Variants in PTPRD observed in about 807,000 individuals in gnomAD.
The protein encoded by PTPRD is receptor-type tyrosine-protein phosphatase delta.
PTPRD carries 34 observed loss-of-function variants against 214.5 expected under a neutral mutation model. That is an observed-to-expected ratio of 0.16 (90% CI 0.12 to 0.21). The LOEUF (loss-of-function observed/expected upper bound fraction) is 0.21. Ranked by LOEUF, PTPRD falls within the 10% of genes least tolerant of loss-of-function variation. The probability of loss-of-function intolerance (pLI) is 1.00; values close to 1 mark genes in which losing one functional copy is unlikely to be tolerated. For synonymous variants in PTPRD, 1,128 were observed against 845.7 expected (o/e 1.33, Z -5.79); for missense variants, 2,545 against 2,398.7 (o/e 1.06, Z -1.27).
rs2135671534 is a variant in PTPRD, at chr9:8,389,418, A to G, written c.4211-11T>C. ...CACTTCCTGGGATCCCTGGAAAACA[A>G]GGAGTGTTATTCAACCAGGTGAGCA... On this transcript the variant is annotated splice_polypyrimidine_tract_variant and intron_variant, in intron 36 of 45. Coordinates refer to ENST00000381196, the MANE Select transcript of PTPRD (RefSeq NM_002839.4). The G allele has an allele frequency of 6.2e-7, 1 of 1,602,428 alleles. No homozygotes were observed. Among genetic ancestry groups the G allele is most frequent in the Non-Finnish European group, 8.5e-7 (1 of 1,174,308 alleles).
chr9:8,768,994 T>C (rs1313510399), intron 11 of PTPRD, among the ~76,000 whole-genome samples: 1 of 152,194 alleles, frequency 6.6e-6, no homozygotes, highest in East Asian at 1.9e-4. Context: ...TTTGTGTACA[T>C]GGCAGGGAGG....
chr9:9,212,943 A>C (rs1042101110), intron 9 of PTPRD, among the ~76,000 whole-genome samples: 4 of 152,178 alleles, frequency 2.6e-5, no homozygotes, highest in Non-Finnish European at 5.9e-5. Context: ...AACTTATGGA[A>C]TTAGCCTAGA....
intron 5 of PTPRD, among the ~76,000 whole-genome samples, chr9:9,871,601 G>A (rs114524028): frequency 0.03 from 4,579 of 151,402 alleles, 185 homozygotes; most frequent in African/African-American, 0.11. Flanking sequence ...AGGGGCCTGG[G>A]AGGAGAAGTG....
chr9:8,726,558 TCG>T (rs2098561328), intron 12 of PTPRD, among the ~76,000 whole-genome samples: 1 of 100,718 alleles, frequency 9.9e-6, no homozygotes, highest in Non-Finnish European at 1.9e-5. Flanking sequence ...ATGGAGAAAC[TCG>T]GTCTCTACTA....
intron 14 of PTPRD, among the ~76,000 whole-genome samples, chr9:8,606,537 G>T (rs62530704): frequency 0.096 from 14,670 of 152,136 alleles, 819 homozygotes; most frequent in East Asian, 0.17. Context: ...TTTATTTCCA[G>T]GGAGTAAATA....
intron 14 of PTPRD, among the ~76,000 whole-genome samples, chr9:8,532,242 T>G (rs1195880447): frequency 6.6e-6 from 1 of 152,080 alleles, no homozygotes; most frequent in Non-Finnish European, 1.5e-5. Context: ...GTCAGGTATT[T>G]GGCAATAAAA....
intron 3 of PTPRD, among the ~76,000 whole-genome samples, chr9:10,222,694 T>C (rs1011401385): frequency 6.6e-6 from 1 of 152,014 alleles, no homozygotes; most frequent in Admixed American, 6.6e-5. Context: ...TCGAGGTAAA[T>C]ACAGACATGA....
rs571276634 is a variant in PTPRD, at chr9:10,161,761, T to A, written c.-544-127971A>T. ...ACAGTCAATAAAATAAAGACATAACTTAAATGGGAGAAAATGTTTCCAAAC... is the reference window on the plus strand; with the variant it reads ...ACAGTCAATAAAATAAAGACATAACATAAATGGGAGAAAATGTTTCCAAAC... On this transcript the variant is annotated intron_variant, in intron 3 of 45. Transcript: ENST00000381196. Among the ~76,000 whole-genome samples the A allele has an allele frequency of 4.6e-5, 7 of 151,594 alleles. No homozygotes were observed. The South Asian group carries it at 6.2e-4, about 13-fold the overall frequency.
At chr9:8,325,110 C>T (rs1832346502) in intron 44 of PTPRD, among the ~76,000 whole-genome samples, 1 of 148,778 alleles carries the variant, frequency 6.7e-6, no homozygotes. Flanking sequence ...AATTAGATCC[C>T]ATTTGCCACT....
At chr9:9,516,097 C>T (rs961576392) in intron 8 of PTPRD, among the ~76,000 whole-genome samples, 15 of 152,228 alleles carry the variant, frequency 9.9e-5, no homozygotes, top group African/African-American at 3.6e-4. Flanking sequence ...TTTGAGTATA[C>T]TCTAACTCTA....
In PTPRD at chr9:9,201,139, CT is replaced by C. The variant is rs1337205943; in HGVS notation, c.-202-17777del. Among the ~76,000 whole-genome samples, 8 of 152,184 alleles carry C rather than the reference CT, an allele frequency of 5.3e-5. No homozygotes were observed. In the East Asian group the frequency reaches 1.4e-3, roughly 26 times the overall value. On this transcript the variant is annotated intron_variant, in intron 9 of 45. Transcript: ENST00000381196. ...ACAAACACTGACATCTTCAGAAAAG[CT>C]TTTTTCTTTTTTTGTAAGCAACATA... is the stretch of plus-strand genomic sequence containing the variant.
At chr9:8,782,952 A>G (rs548220523) in intron 11 of PTPRD, among the ~76,000 whole-genome samples, 1 of 152,224 alleles carries the variant, frequency 6.6e-6, no homozygotes, top group South Asian at 2.1e-4. Flanking sequence ...AGCTCCAAAT[A>G]GGTAAGCAGT....
chr9:8,349,842 G>A (rs893154847), intron 39 of PTPRD, among the ~76,000 whole-genome samples: 2 of 151,838 alleles, frequency 1.3e-5, no homozygotes, highest in African/African-American at 4.8e-5. Flanking sequence ...ATTTTCCGGT[G>A]AGGACAACTA....
chr9:9,101,064 G>A (rs1019463536), intron 10 of PTPRD, among the ~76,000 whole-genome samples: 1 of 150,882 alleles, frequency 6.6e-6, no homozygotes, highest in African/African-American at 2.4e-5. Flanking sequence ...CATACAAGAT[G>A]TAAATATGAA....
At chr9:9,806,563 C>T (rs921626997) in intron 5 of PTPRD, among the ~76,000 whole-genome samples, 3 of 152,216 alleles carry the variant, frequency 2.0e-5, no homozygotes, top group Admixed American at 2.0e-4. Context: ...TTGCTCCTGA[C>T]TCCACCGCCT....
chr9:10,311,024 T>A (rs1231812849), intron 3 of PTPRD, among the ~76,000 whole-genome samples: 2 of 152,070 alleles, frequency 1.3e-5, no homozygotes, highest in Non-Finnish European at 2.9e-5. Context: ...GCCAGTTTCC[T>A]ATAAATGTGG....
At chr9:9,135,705 G>C (rs182126211) in intron 10 of PTPRD, among the ~76,000 whole-genome samples, 21 of 151,980 alleles carry the variant, frequency 1.4e-4, no homozygotes, top group Admixed American at 1.2e-3. Context: ...AAAATATTGT[G>C]AGCATATATC....
rs140817560 is a variant in PTPRD, at chr9:9,724,733, T to C, written c.-287+9800A>G. On this transcript the variant is annotated intron_variant, in intron 7 of 45. Coordinates refer to ENST00000381196, the MANE Select transcript of PTPRD (RefSeq NM_002839.4). ...TGTTGTAAGCACTACAAAAGTTGCA[T>C]GTAATATCTTTACAACTGCTCTTTA... 1.7e-3 allele frequency among the ~76,000 whole-genome samples: 256 copies of C among 152,282 alleles called. 1 individual carries two copies. The highest frequency in any genetic ancestry group is 5.7e-3 in the African/African-American group (237 of 41,572).
In PTPRD at chr9:8,507,422, G is replaced by A; in HGVS notation, c.1556C>T (p.Pro519Leu). The A allele has an allele frequency of 6.2e-7, 1 of 1,613,896 alleles. No individual in the cohort carries two copies. The highest frequency in any genetic ancestry group is 8.5e-7 in the Non-Finnish European group (1 of 1,179,824). The change falls in exon 22 of 46, where the codon CCA (proline) becomes CTA (leucine). Residue 519 changes from proline to leucine, a missense_variant. By Grantham distance (98) the Pro-to-Leu change is moderately conservative. Coordinates refer to ENST00000381196, the MANE Select transcript of PTPRD (RefSeq NM_002839.4). ...VITQTGVPGQ[P>L]LNFKAEPESE... ...CTCAGGTTCTGCTTTGAAGTTTAGT[G>A]GCTGCCCTGGTACTAAAAACAGGGA... is the stretch of plus-strand genomic sequence containing the variant.
Sources: gnomAD v4.1 joint callset for allele counts (sites outside exome capture counted in the v4.1 genomes callset) on GRCh38, gnomAD v4.1.1 for gene constraint, MANE v1.5 for transcripts, NCBI Gene and HGNC (gene_info 2026-07-23, HGNC 2026-07-21) for gene names.